Variants in RNF121 observed in about 807,000 individuals in gnomAD.
RNF121 encodes E3 ubiquitin ligase RNF121.
A neutral mutation model predicts 46.5 loss-of-function variants in RNF121; 21 were observed. That is an observed-to-expected ratio of 0.45 (90% CI 0.32 to 0.65). RNF121 has a LOEUF of 0.65. RNF121 is among the 30% of genes least tolerant of loss of function. The pLI, the probability that RNF121 is intolerant of heterozygous loss-of-function variation, is 0.04. For missense variants in RNF121, 346 were observed against 416.0 expected, an observed-to-expected ratio of 0.83 and a Z score of 1.46; for synonymous variants, 139 against 144.7, an observed-to-expected ratio of 0.96 and a Z score of 0.28.
intron 6 of RNF121, among the ~76,000 whole-genome samples, chr11:71,991,756 G>A (rs897065440): frequency 6.6e-6 from 1 of 152,134 alleles, no homozygotes; most frequent in African/African-American, 2.4e-5. Flanking sequence ...GCCAAGAAGT[G>A]CCTGGAGAAG....
chr11:71,947,950 A>G (rs1953764404), intron 1 of RNF121, among the ~76,000 whole-genome samples: 2 of 152,244 alleles, frequency 1.3e-5, no homozygotes, highest in South Asian at 4.1e-4. Context: ...AGATATGATC[A>G]GCACATGAAC....
chr11:71,941,443 C>CA (rs1191716402), intron 1 of RNF121, among the ~76,000 whole-genome samples: 1 of 152,182 alleles, frequency 6.6e-6, no homozygotes, highest in African/African-American at 2.4e-5. Context: ...ACTTCAGTGT[C>CA]AAACATTTTT....
chr11:71,965,017 TA>T (rs1954241248), intron 3 of RNF121, among the ~76,000 whole-genome samples: 1 of 152,182 alleles, frequency 6.6e-6, no homozygotes, highest in East Asian at 1.9e-4. Context: ...GTTTATTTGT[TA>T]TAAAAAAATT....
At chr11:71,985,311 AC>A (rs905999484) in intron 4 of RNF121, among the ~76,000 whole-genome samples, 19 of 152,118 alleles carry the variant, frequency 1.2e-4, no homozygotes, top group African/African-American at 4.6e-4. Flanking sequence ...GCTCTGTACA[AC>A]CCAGTAAAAA....
At chr11:71,975,046 G>C (rs554359418) in intron 3 of RNF121, among the ~76,000 whole-genome samples, 34 of 152,264 alleles carry the variant, frequency 2.2e-4, no homozygotes, top group Admixed American at 2.2e-3. Flanking sequence ...TTCATCATCT[G>C]TGTCTACTAC....
At chr11:71,936,689 C>T (rs1169421727) in intron 1 of RNF121, among the ~76,000 whole-genome samples, 9 of 152,162 alleles carry the variant, frequency 5.9e-5, no homozygotes, top group Non-Finnish European at 1.3e-4. Flanking sequence ...CCACTGCGCC[C>T]GGCCTTTTTC....
At chr11:71,941,689 T>C (rs1352749474) in intron 1 of RNF121, among the ~76,000 whole-genome samples, 16 of 152,212 alleles carry the variant, frequency 1.1e-4, no homozygotes, top group Admixed American at 1.0e-3. Flanking sequence ...TCCTGAATGG[T>C]GAAGACCTAG....
rs562644660 is a variant in RNF121, at chr11:71,979,046, G to A, written c.244-3715G>A. 5.1e-4 allele frequency among the ~76,000 whole-genome samples: 78 copies of A among 152,284 alleles called. 2 individuals carry two copies. Among genetic ancestry groups the A allele is most frequent in the Admixed American group, 2.7e-3 (42 of 15,300 alleles). The stretch of plus-strand genomic sequence containing the variant: ...GATTTAGATCTTTTTCCTGCAGCTA[G>A]CCTGGTAACTCCTAGAGGACTAGAG... On this transcript the variant is annotated intron_variant, in intron 3 of 8. Transcript: ENST00000361756.
chr11:71,934,982 C>T (rs1953374061), intron 1 of RNF121, among the ~76,000 whole-genome samples: 1 of 145,330 alleles, frequency 6.9e-6, no homozygotes, highest in South Asian at 2.2e-4. Flanking sequence ...TGCTCTGCCA[C>T]TCAGGCTGGA....
At chr11:71,968,894 T>TG (rs1954353826) in intron 3 of RNF121, among the ~76,000 whole-genome samples, 1 of 149,928 alleles carries the variant, frequency 6.7e-6, no homozygotes, top group Non-Finnish European at 1.5e-5. Flanking sequence ...CTTTCTTTTT[T>TG]TTTTTTTTTG....
At chr11:71,984,640 T>A (rs753052413) in intron 4 of RNF121, among the ~76,000 whole-genome samples, 11 of 151,830 alleles carry the variant, frequency 7.2e-5, no homozygotes, top group Non-Finnish European at 1.5e-4. Context: ...TCACCCAGGC[T>A]GGAGTGCAGT....
chr11:71,996,246 C>A lies in RNF121; in HGVS notation c.915C>A (p.Tyr305Ter). ...MYGQLLDWLR[Y>*]LVAWQPVIIG... ...GGCAACTGCTGGACTGGCTTCGATA[C>A]TTGGTAGCCTGGCAGCCTGTCATCA... The change falls in exon 9 of 9, where the codon TAC becomes TAA. Residue 305 changes from tyrosine to a stop codon, truncating the protein, a stop_gained. Coordinates refer to ENST00000361756, the MANE Select transcript of RNF121 (RefSeq NM_018320.5). LOFTEE classifies it high-confidence loss of function. 2 of 1,614,170 alleles carry A rather than the reference C, an allele frequency of 1.2e-6. No homozygotes were observed. Among genetic ancestry groups the A allele is most frequent in the Non-Finnish European group, 1.7e-6 (2 of 1,179,992 alleles).
In RNF121 at chr11:71,996,526, A is replaced by G. The variant is rs565880584; in HGVS notation, c.*211A>G. On this transcript the variant is annotated 3_prime_UTR_variant, in exon 9 of 9. Transcript: ENST00000361756. ...GTGGGGGGCTTTTTAAAAGAAAACTATTTTGATGAATATATTTAAAAAACC... is the reference window on the plus strand; with the variant it reads ...GTGGGGGGCTTTTTAAAAGAAAACTGTTTTGATGAATATATTTAAAAAACC... 1.2e-5 allele frequency: 6 copies of G among 521,736 alleles called. No homozygotes were observed. In the East Asian group the frequency reaches 1.6e-4, roughly 14 times the overall value. The allele number at this position is 521,736 out of a possible 1,614,324, so 32.3% of individuals were successfully genotyped here.
intron 2 of RNF121, among the ~76,000 whole-genome samples, chr11:71,957,574 A>G (rs1387459410): frequency 1.3e-5 from 2 of 152,246 alleles, no homozygotes; most frequent in Non-Finnish European, 2.9e-5. Context: ...AATGAGGATC[A>G]TAACAATATC....
intron 1 of RNF121, among the ~76,000 whole-genome samples, chr11:71,943,793 A>T (rs1193247793): frequency 6.6e-6 from 1 of 152,198 alleles, no homozygotes; most frequent in African/African-American, 2.4e-5. Flanking sequence ...TAAAGAAAGA[A>T]TAGAAGAGCC....
intron 1 of RNF121, among the ~76,000 whole-genome samples, chr11:71,950,107 T>C (rs1953836441): frequency 1.3e-5 from 2 of 151,606 alleles, no homozygotes; most frequent in African/African-American, 4.8e-5. Flanking sequence ...AGTTGATCAG[T>C]TGTTAGTATG....
intron 5 of RNF121, among the ~76,000 whole-genome samples, chr11:71,988,652 A>AAAAG (rs1554991902): frequency 1.3e-5 from 2 of 150,234 alleles, no homozygotes; most frequent in African/African-American, 4.9e-5. Context: ...AAAAAAAAAA[A>AAAAG]AAAGAAAGAA....
intron 7 of RNF121, chr11:71,995,119 G>C: frequency 1.8e-6 from 1 of 565,864 alleles, no homozygotes; most frequent in Non-Finnish European, 3.2e-6. Flanking sequence ...ACCAGTCACA[G>C]GGGAAGAGGA....
rs530444044 is a variant in RNF121 at position 71,994,487 on chromosome 11, C to T, written c.628-232C>T. Among the ~76,000 whole-genome samples, 5 of 152,220 alleles carry T rather than the reference C, an allele frequency of 3.3e-5. 1 individual carries two copies. In the South Asian group the frequency reaches 1.0e-3, roughly 32 times the overall value. On this transcript the variant is annotated intron_variant, in intron 6 of 8. Coordinates refer to ENST00000361756, the MANE Select transcript of RNF121 (RefSeq NM_018320.5). Reference sequence around the variant, plus strand: ...GGTTCTGTTACATCTAACTTCCCAACTGTCTCTAGTCTGGTCACTTCTCCC... The same window carrying T: ...GGTTCTGTTACATCTAACTTCCCAATTGTCTCTAGTCTGGTCACTTCTCCC...
Sources: gnomAD v4.1 joint callset for allele counts (sites outside exome capture counted in the v4.1 genomes callset) on GRCh38, gnomAD v4.1.1 for gene constraint, MANE v1.5 for transcripts, NCBI Gene and HGNC (gene_info 2026-07-23, HGNC 2026-07-21) for gene names.